Variants in ADGRB2 observed in about 807,000 individuals in gnomAD.
The protein encoded by ADGRB2 is brain-specific angiogenesis inhibitor 2.
In ADGRB2, 47 loss-of-function variants were observed where a neutral mutation model predicts 178.7. The observed-to-expected ratio is 0.26, with a 90% CI of 0.21 to 0.34. ADGRB2 has a LOEUF of 0.34. Ranked by LOEUF, ADGRB2 falls within the 10% of genes least tolerant of loss-of-function variation. The probability of loss-of-function intolerance (pLI) is 1.00; values close to 1 mark genes in which losing one functional copy is unlikely to be tolerated. For synonymous variants in ADGRB2, 870 were observed against 912.4 expected, an observed-to-expected ratio of 0.95 and a Z score of 0.84; for missense variants, 1,584 against 2,180.8, an observed-to-expected ratio of 0.73 and a Z score of 5.45.
At chr1:31,732,384 G>A in intron 27 of ADGRB2, 133 bp downstream of exon 27, 1 of 1,219,164 alleles carries the variant, frequency 8.2e-7, no homozygotes, top group Non-Finnish European at 1.2e-6. Flanking sequence ...AGGTGTTAGT[G>A]GCTGAGCCTG....
intron 6 of ADGRB2, 127 bp from the exon 7 acceptor site, chr1:31,743,129 G>A: frequency 1.8e-6 from 2 of 1,140,070 alleles, no homozygotes; most frequent in Non-Finnish European, 2.3e-6. Context: ...CTCTGCCCCG[G>A]GATCTGTTGC....
intron 6 of ADGRB2, 111 bp from the exon 7 acceptor site, chr1:31,743,113 C>A: frequency 8.1e-7 from 1 of 1,230,322 alleles, no homozygotes; most frequent in Non-Finnish European, 1.1e-6. Context: ...GGCTGCTCCT[C>A]ATTGGCTCTG....
Position 31,759,466 on chromosome 1 carries a change from C to T in ADGRB2, c.-190-1955G>A. On this transcript the variant is annotated intron_variant, in intron 1 of 32. Transcript: ENST00000373658. The surrounding 1 kb of genome is among the most constrained non-coding windows in gnomAD (Gnocchi z 4.3). The stretch of plus-strand genomic sequence containing the variant: ...GCTGCTCCCTACTCCACAGCCCCGC[C>T]CCATCAAGAAGCACAAGGTCCACAT... The T allele has an allele frequency of 2.7e-6, 2 of 742,096 alleles. No homozygotes were observed. The highest frequency in any genetic ancestry group is 2.5e-5 in the East Asian group (1 of 40,750). The allele number at this position is 742,096 out of a possible 1,614,324, so 46.0% of individuals were successfully genotyped here. A position where few individuals can be genotyped will look rare whatever the true frequency, so the allele number is the denominator to read the frequency against.
intron 29 of ADGRB2, 35 bp downstream of exon 29, chr1:31,730,765 C>A: frequency 6.8e-7 from 1 of 1,466,354 alleles, no homozygotes; most frequent in South Asian, 1.6e-5. Flanking sequence ...TTGACACAGT[C>A]TCAGACACAC....
In ADGRB2 at chr1:31,736,480, C is replaced by G; in HGVS notation, c.3131-90G>C. The G allele has an allele frequency of 1.1e-5, 17 of 1,600,614 alleles. No homozygotes were observed. In the South Asian group the frequency reaches 1.7e-4, roughly 16 times the overall value. On this transcript the variant is annotated intron_variant, in intron 21 of 32. Transcript: ENST00000373658. ...ACTCCCATCCCAGCTGACCCCTGTGCCCAGAGAGCTGGGCCAGGGCCAAAG... is the reference window on the plus strand; with the variant it reads ...ACTCCCATCCCAGCTGACCCCTGTGGCCAGAGAGCTGGGCCAGGGCCAAAG...
Position 31,727,510 on chromosome 1 carries a change from G to A in ADGRB2, c.4668C>T (p.Pro1556=). The part of the protein sequence containing the change: ...TFKSMTLGSL[P]PKPRERLTLH... Reference sequence around the variant, plus strand: ...GAGTCAGCCGTTCTCGGGGCTTGGGGGGCAGCGAGCCCAGTGTCATAGATT... The same window carrying A: ...GAGTCAGCCGTTCTCGGGGCTTGGGAGGCAGCGAGCCCAGTGTCATAGATT... Residue 1556 remains proline (P), a synonymous_variant, in exon 33 of 33, where the codon CCC becomes CCT. Transcript: ENST00000373658. This position sits in a 1 kb window ranked among gnomAD's most constrained non-coding sequence, Gnocchi z 4.4. 1.3e-6 allele frequency: 2 copies of A among 1,597,054 alleles called. No homozygotes were observed. Among genetic ancestry groups the A allele is most frequent in the Non-Finnish European group, 8.5e-7 (1 of 1,175,356 alleles).
At chr1:31,731,699 C>T (rs1645292938) in intron 28 of ADGRB2, among the ~76,000 whole-genome samples, 2 of 152,178 alleles carry the variant, frequency 1.3e-5, no homozygotes, top group Admixed American at 1.3e-4. Context: ...AGCCCCACGG[C>T]TGTCAAAGGG....
At chr1:31,734,734 T>C (rs12750911) in intron 25 of ADGRB2, among the ~76,000 whole-genome samples, 7,668 of 152,328 alleles carry the variant, frequency 0.05, 255 homozygotes, top group African/African-American at 0.084. Flanking sequence ...GCCTCTGAAA[T>C]GCTAAGTCTC....
chr1:31,740,549 T>G lies in ADGRB2; in HGVS notation c.1795-8A>C. The G allele has an allele frequency of 6.3e-7, 1 of 1,588,138 alleles. No homozygotes were observed. The highest frequency in any genetic ancestry group is 8.6e-7 in the Non-Finnish European group (1 of 1,166,320). On this transcript the variant is annotated splice_region_variant and splice_polypyrimidine_tract_variant and intron_variant, in intron 11 of 32. Coordinates refer to ENST00000373658, the MANE Select transcript of ADGRB2 (RefSeq NM_001364857.2). This position sits in a 1 kb window ranked among gnomAD's most constrained non-coding sequence, Gnocchi z 5.9. Reference sequence around the variant, plus strand: ...GGCCAGGTGCTCCCTAAGCTGTAGGTGATGAGGGGGCCACAGTCACTGAAG... The same window carrying G: ...GGCCAGGTGCTCCCTAAGCTGTAGGGGATGAGGGGGCCACAGTCACTGAAG...
rs776058963 is a variant in ADGRB2, at chr1:31,741,740, G to A, written c.1586-15C>T. The A allele has an allele frequency of 6.2e-7, 1 of 1,609,184 alleles. No homozygotes were observed. Among genetic ancestry groups the A allele is most frequent in the South Asian group, 1.1e-5 (1 of 90,682 alleles). On this transcript the variant is annotated splice_polypyrimidine_tract_variant and intron_variant, in intron 9 of 32. Transcript: ENST00000373658. This position sits in a 1 kb window ranked among gnomAD's most constrained non-coding sequence, Gnocchi z 6.5. Reference sequence around the variant, plus strand: ...CTCATGGAAGGCTGTGGGTGCAGGGGTAAGGTTCAGCTGGGTCCACACATG... The same window carrying A: ...CTCATGGAAGGCTGTGGGTGCAGGGATAAGGTTCAGCTGGGTCCACACATG...
At chr1:31,747,892 AC>A (rs1461410774) in intron 4 of ADGRB2, among the ~76,000 whole-genome samples, 1 of 152,238 alleles carries the variant, frequency 6.6e-6, no homozygotes, top group African/African-American at 2.4e-5. Context: ...CAAAGGGACC[AC>A]TAAGACAGGC....
chr1:31,757,707 C>T (rs1259818130), intron 1 of ADGRB2, among the ~76,000 whole-genome samples, 196 bp from the exon 2 acceptor site: 1 of 152,178 alleles, frequency 6.6e-6, no homozygotes, highest in Non-Finnish European at 1.5e-5. Context: ...TGGTTCAGGG[C>T]CTGCTACCCC....
chr1:31,744,608 G>A lies in ADGRB2; in HGVS notation c.922+40C>T, dbSNP rs115093106. 1,113 of 1,605,468 alleles carry A rather than the reference G, an allele frequency of 6.9e-4. 8 individuals are homozygous for A. The African/African-American group carries it at 0.012, about 17-fold the overall frequency. ...CACACACCACCAGACGCACACAGTC[G>A]GGCCCCCGCCGCAGAGGAAGGGAGG... On this transcript the variant is annotated intron_variant, in intron 5 of 32. Transcript: ENST00000373658. The surrounding 1 kb of genome is among the most constrained non-coding windows in gnomAD (Gnocchi z 6.7).
In ADGRB2 at chr1:31,758,527, C is replaced by G. The variant is rs75749937; in HGVS notation, c.-190-1016G>C. Reference sequence around the variant, plus strand: ...GTCTAAACAGCAGGCAGAGGGGGGACAGAATTTAGAACCCCAACTTTCCAG... The same window carrying G: ...GTCTAAACAGCAGGCAGAGGGGGGAGAGAATTTAGAACCCCAACTTTCCAG... On this transcript the variant is annotated intron_variant, in intron 1 of 32. Transcript: ENST00000373658. This position sits in a 1 kb window ranked among gnomAD's most constrained non-coding sequence, Gnocchi z 4.2. The G allele has an allele frequency of 0.014, 2,086 of 152,918 alleles. 50 individuals carry two copies. The highest frequency in any genetic ancestry group is 0.048 in the African/African-American group (1,980 of 41,546). 9.5% of individuals were successfully genotyped at this position (152,918 alleles called of 1,614,324 possible). A position where few individuals can be genotyped will look rare whatever the true frequency, so the allele number is the denominator to read the frequency against.
intron 1 of ADGRB2, 60 bp downstream of exon 1, chr1:31,763,824 G>A (rs1029327250): frequency 2.0e-6 from 2 of 984,878 alleles, no homozygotes; most frequent in African/African-American, 1.8e-5. Context: ...GCGGAAACTC[G>A]GGACCGCGCC....
rs1646973616 is a variant in ADGRB2 at position 31,759,368 on chromosome 1, G to A, written c.-190-1857C>T. On this transcript the variant is annotated intron_variant, in intron 1 of 32. Transcript: ENST00000373658. The surrounding 1 kb of genome is among the most constrained non-coding windows in gnomAD (Gnocchi z 4.3). ...CTCAGCATATGACAGCTAAGTGTCAGGCAGGATCCTCTGCGGGGTCTTCCT... is the reference window on the plus strand; with the variant it reads ...CTCAGCATATGACAGCTAAGTGTCAAGCAGGATCCTCTGCGGGGTCTTCCT... The A allele has an allele frequency of 1.3e-6, 1 of 779,674 alleles. No individual in the cohort carries two copies. The highest frequency in any genetic ancestry group is 2.4e-5 in the East Asian group (1 of 41,254). 48.3% of individuals were successfully genotyped at this position (779,674 alleles called of 1,614,324 possible). A position where few individuals can be genotyped will look rare whatever the true frequency, so the allele number is the denominator to read the frequency against.
intron 4 of ADGRB2, among the ~76,000 whole-genome samples, chr1:31,746,351 C>G (rs1311202016): frequency 6.6e-6 from 1 of 152,158 alleles, no homozygotes; most frequent in East Asian, 1.9e-4. Flanking sequence ...TGAATAGCAT[C>G]TGCAGTTCCA....
chr1:31,741,943 C>A lies in ADGRB2; in HGVS notation c.1442G>T (p.Trp481Leu). Residue 481 changes from tryptophan to leucine, a missense_variant, in exon 9 of 33, where the codon TGG becomes TTG. Around this residue, in one of 3 missense-constraint regions of ADGRB2, gnomAD observed 657 missense variants for 847.6 expected, o/e 0.78. Transcript: ENST00000373658. This position sits in a 1 kb window ranked among gnomAD's most constrained non-coding sequence, Gnocchi z 6.5. The part of the protein sequence containing the change: ...CPATDSKWGP[W>L]NAWSLCSKTC... ...CTTAGAGCACAGGCTCCACGCATTC[C>A]ATGGCCCCCACTTGCTATCAGTGGC... The A allele has an allele frequency of 6.3e-7, 1 of 1,596,734 alleles. No homozygotes were observed. The highest frequency in any genetic ancestry group is 8.6e-7 in the Non-Finnish European group (1 of 1,168,006).
At position 31,756,269 on chromosome 1, in the gene ADGRB2, T is replaced by C; in HGVS notation, c.568A>G (p.Asn190Asp). ...FRFVEVLLIN[N>D]NNSSQFTCGV... is the part of the protein sequence containing the mutation. ...CAGGTGAATTGGCTAGAGTTGTTGT[T>C]GTTGATGAGCAAGACCTCGACAAAG... The change falls in exon 4 of 33, where the codon AAC (asparagine) becomes GAC (aspartate). Residue 190 changes from asparagine to aspartate, a missense_variant. Physicochemically the swap from Asn to Asp is conservative, Grantham distance 23. Transcript: ENST00000373658. This position sits in a 1 kb window ranked among gnomAD's most constrained non-coding sequence, Gnocchi z 8.5. 1 of 1,613,226 alleles carries C rather than the reference T, an allele frequency of 6.2e-7. No individual in the cohort carries two copies. The highest frequency in any genetic ancestry group is 8.5e-7 in the Non-Finnish European group (1 of 1,179,948).
Sources: allele counts gnomAD v4.1 joint callset (sites outside exome capture counted in the v4.1 genomes callset), GRCh38; gene constraint gnomAD v4.1.1; regional missense constraint gnomAD v4.1.1; non-coding constraint Gnocchi (gnomAD v3.1); transcripts MANE v1.5; gene names NCBI Gene and HGNC (gene_info 2026-07-23, HGNC 2026-07-21).